Variants in METTL15 observed in about 807,000 individuals in gnomAD.
METTL15 encodes the protein methyltransferase 15, mitochondrial 12S rRNA N4-cytidine, also known as 12S rRNA N(4)-cytidine methyltransferase METTL15.
A neutral mutation model predicts 38.3 loss-of-function variants in METTL15; 34 were observed. That is an observed-to-expected ratio of 0.89 (90% CI 0.68 to 1.18). The LOEUF (loss-of-function observed/expected upper bound fraction) is 1.18. METTL15 is among the 50% of genes most tolerant of loss of function. METTL15 has a pLI of 0.00. For synonymous variants in METTL15, 162 were observed against 170.9 expected, an observed-to-expected ratio of 0.95 and a Z score of 0.41; for missense variants, 438 against 498.4, an observed-to-expected ratio of 0.88 and a Z score of 1.15.
intron 5 of METTL15, 87 bp from the exon 6 acceptor site, chr11:28,296,666 C>A: frequency 2.1e-6 from 3 of 1,400,068 alleles, no homozygotes; most frequent in Non-Finnish European, 2.0e-6. Context: ...GTGTGTGTGT[C>A]TGACTTTATG....
At chr11:28,359,339 G>T (rs1850116470) in intron 4 of METTL15, among the ~76,000 whole-genome samples, 1 of 152,086 alleles carries the variant, frequency 6.6e-6, no homozygotes, top group African/African-American at 2.4e-5. Flanking sequence ...ACCGTTGATG[G>T]GCACCTAGGT....
chr11:28,390,143 A>C (rs1850487282), intron 5 of METTL15, among the ~76,000 whole-genome samples: 1 of 151,846 alleles, frequency 6.6e-6, no homozygotes, highest in Non-Finnish European at 1.5e-5. Flanking sequence ...TTGTCAGATG[A>C]GTAGGTTGTG....
chr11:28,264,133 A>G (rs184827641), intron 4 of METTL15, among the ~76,000 whole-genome samples: 1 of 152,148 alleles, frequency 6.6e-6, no homozygotes, highest in African/African-American at 2.4e-5. Flanking sequence ...AAATCTTGTG[A>G]TTCACATTGT....
At chr11:28,148,140 T>TA (rs747522439) in intron 3 of METTL15, among the ~76,000 whole-genome samples, 4 of 151,938 alleles carry the variant, frequency 2.6e-5, no homozygotes, top group Non-Finnish European at 5.9e-5. Flanking sequence ...ATCTTGGGAA[T>TA]ATAGTTTTTC....
chr11:28,433,169 T>G (rs1304033366), intron 6 of METTL15, among the ~76,000 whole-genome samples: 3 of 114,578 alleles, frequency 2.6e-5, no homozygotes, highest in Admixed American at 9.7e-5. Flanking sequence ...TTTTGTTTTT[T>G]TTGTTTTTTT....
intron 3 of METTL15, among the ~76,000 whole-genome samples, chr11:28,190,270 C>G (rs923396583): frequency 1.3e-5 from 2 of 151,022 alleles, no homozygotes; most frequent in African/African-American, 4.8e-5. Context: ...CTTACAATAA[C>G]AAAGAGAATT....
At chr11:28,337,295 G>A (rs1342769365), downstream of METTL15, among the ~76,000 whole-genome samples, 1 of 151,826 alleles carries the variant, frequency 6.6e-6, no homozygotes, top group African/African-American at 2.4e-5. Flanking sequence ...ACAGAGTCTT[G>A]CTGTGATGCC....
At chr11:28,129,742 G>T (rs958273550) in intron 3 of METTL15, among the ~76,000 whole-genome samples, 2 of 152,054 alleles carry the variant, frequency 1.3e-5, no homozygotes, top group Non-Finnish European at 2.9e-5. Flanking sequence ...TGCTATAAAA[G>T]AACTTTAAAA....
Position 28,162,072 on chromosome 11 carries a change from C to T in METTL15, c.270+48468C>T, listed in dbSNP as rs183512255. ...TTTTTTCACATATTTCTCTCAAATC[C>T]TCTGTAAAATAAGTACCATTATTAC... is the stretch of plus-strand genomic sequence containing the variant. On this transcript the variant is annotated intron_variant, in intron 3 of 6. Transcript: ENST00000407364. 2.2e-4 allele frequency among the ~76,000 whole-genome samples: 34 copies of T among 152,102 alleles called. No individual in the cohort carries two copies. In the South Asian group the frequency reaches 2.5e-3, roughly 11 times the overall value.
At chr11:28,274,111 TAG>T (rs1855752672) in intron 4 of METTL15, among the ~76,000 whole-genome samples, 1 of 152,156 alleles carries the variant, frequency 6.6e-6, no homozygotes, top group South Asian at 2.1e-4. Context: ...GTCACTTCAA[TAG>T]AGTGTGGCTA....
chr11:28,511,876 C>T (rs1309678165), intron 6 of METTL15, among the ~76,000 whole-genome samples: 2 of 152,172 alleles, frequency 1.3e-5, no homozygotes, highest in Non-Finnish European at 2.9e-5. Context: ...TCTTATCTGG[C>T]CCCACCCACA....
At chr11:28,357,374 T>A (rs1850099167) in intron 4 of METTL15, among the ~76,000 whole-genome samples, 1 of 152,224 alleles carries the variant, frequency 6.6e-6, no homozygotes, top group Non-Finnish European at 1.5e-5. Context: ...CTCCCTTTCT[T>A]CTTTCTTTTC....
intron 4 of METTL15, among the ~76,000 whole-genome samples, chr11:28,236,116 T>C (rs1853954411): frequency 6.6e-6 from 1 of 152,172 alleles, no homozygotes; most frequent in South Asian, 2.1e-4. Context: ...CATTTATTGA[T>C]TTGCGTATAT....
chr11:28,530,648 G>A (rs2133521417), downstream of METTL15, among the ~76,000 whole-genome samples: 1 of 152,042 alleles, frequency 6.6e-6, no homozygotes, highest in South Asian at 2.1e-4. Flanking sequence ...GCGCACAATT[G>A]ACTTTCAGAA....
intron 5 of METTL15, among the ~76,000 whole-genome samples, chr11:28,421,287 A>C (rs1007189247): frequency 6.6e-6 from 1 of 152,032 alleles, no homozygotes; most frequent in Non-Finnish European, 1.5e-5. Flanking sequence ...CGAACATTTA[A>C]AGAAGAACTA....
downstream of METTL15, among the ~76,000 whole-genome samples, chr11:28,337,376 T>C (rs76099758): frequency 3.3e-5 from 5 of 152,140 alleles, no homozygotes; most frequent in East Asian, 9.7e-4. Flanking sequence ...AGAAATAAAA[T>C]TTTTGTAGAA....
intron 3 of METTL15, among the ~76,000 whole-genome samples, chr11:28,160,543 A>G (rs1202973291): frequency 6.6e-6 from 1 of 152,142 alleles, no homozygotes; most frequent in Non-Finnish European, 1.5e-5. Context: ...ATGGTTAAAT[A>G]TCGATCTGCT....
chr11:28,401,746 A>G (rs1016885229), intron 5 of METTL15, among the ~76,000 whole-genome samples: 3 of 151,984 alleles, frequency 2.0e-5, no homozygotes, highest in African/African-American at 7.2e-5. Context: ...AGTGACTAAA[A>G]AAAAACCACT....
chr11:28,179,457 A>G (rs377715369), intron 3 of METTL15, among the ~76,000 whole-genome samples: 20 of 151,952 alleles, frequency 1.3e-4, no homozygotes, highest in African/African-American at 4.6e-4. Flanking sequence ...AGCCTGTCTC[A>G]AACATAACTA....
Sources: gnomAD v4.1 joint callset for allele counts (sites outside exome capture counted in the v4.1 genomes callset) on GRCh38, gnomAD v4.1.1 for gene constraint, MANE v1.5 for transcripts, NCBI Gene and HGNC (gene_info 2026-07-23, HGNC 2026-07-21) for gene names.